The following WDFY4 variants were observed in gnomAD, a reference collection of about 807,000 sequenced individuals.
The protein encoded by WDFY4 is WD repeat- and FYVE domain-containing protein 4.
Under a neutral mutation model 351.9 loss-of-function variants are expected in WDFY4, and 169 were observed. The observed-to-expected ratio is 0.48, with a 90% CI of 0.42 to 0.55. The LOEUF is 0.55. Among genes scored for constraint, WDFY4 ranks in the 20% least tolerant of loss-of-function variants. The pLI is 0.00. For synonymous variants in WDFY4, 1,622 were observed against 1,574.6 expected (o/e 1.03, Z -0.71); for missense variants, 3,803 against 3,935.6 (o/e 0.97, Z 0.90).
intron 60 of WDFY4, chr10:48,980,132 T>C (rs566365322): frequency 2.0e-5 from 3 of 152,280 alleles, no homozygotes; most frequent in East Asian, 3.9e-4. Flanking sequence ...ACTGCCAAGA[T>C]TGTGATTACA....
Position 48,718,579 on chromosome 10 carries a change from C to G in WDFY4, c.235-1432C>G, listed in dbSNP as rs1295672223. Among the ~76,000 whole-genome samples, 3 of 152,178 alleles carry G rather than the reference C, an allele frequency of 2.0e-5. No individual in the cohort carries two copies. The East Asian group carries it at 5.8e-4, about 29-fold the overall frequency. On this transcript the variant is annotated intron_variant, in intron 2 of 61. Coordinates refer to ENST00000325239, the MANE Select transcript of WDFY4 (RefSeq NM_001394531.1). ...TGCCTTCCGTGGAGGCCACGGATGC[C>G]CGGAATGTGCACAGCAGCTGACCTT... is the stretch of plus-strand genomic sequence containing the variant.
At chr10:48,953,715 T>A (rs1188695854) in intron 51 of WDFY4, among the ~76,000 whole-genome samples, 2 of 152,220 alleles carry the variant, frequency 1.3e-5, no homozygotes, top group African/African-American at 4.8e-5. Flanking sequence ...TTTGGATCAG[T>A]GTTATCAGGA....
At chr10:48,920,267 CA>C (rs1838939678) in intron 47 of WDFY4, among the ~76,000 whole-genome samples, 1 of 141,010 alleles carries the variant, frequency 7.1e-6, no homozygotes, top group African/African-American at 2.7e-5. Context: ...CTAGAGCGGA[CA>C]AAAAACCAAA....
intron 3 of WDFY4, 56 bp downstream of exon 3, chr10:48,720,181 G>C: frequency 6.7e-7 from 1 of 1,500,716 alleles, no homozygotes. Context: ...AGCCCTGCAT[G>C]CCCTCCCAGG....
At chr10:48,784,399 T>C (rs931180578) in intron 19 of WDFY4, among the ~76,000 whole-genome samples, 4 of 152,176 alleles carry the variant, frequency 2.6e-5, no homozygotes, top group African/African-American at 9.7e-5. Flanking sequence ...TCTCACTGTG[T>C]TTTTAATTTG....
Position 48,890,655 on chromosome 10 carries a change from A to G in WDFY4, c.7244A>G (p.His2415Arg). 3.2e-6 allele frequency: 5 copies of G among 1,551,624 alleles called. No individual in the cohort carries two copies. The highest frequency in any genetic ancestry group is 1.4e-5 in the African/African-American group (1 of 73,128). The change falls in exon 44 of 62, where the codon CAC becomes CGC. Residue 2415 changes from histidine to arginine, a missense_variant. Coordinates refer to ENST00000325239, the MANE Select transcript of WDFY4 (RefSeq NM_001394531.1). ...SEGVLLFGHQ[H>R]FYICENFTLS... ...GGGGTCCTGCTTTTTGGCCACCAAC[A>G]CTTCTACATCTGCGAGAACTTCACA...
intron 9 of WDFY4, among the ~76,000 whole-genome samples, chr10:48,733,174 C>A (rs1254758528): frequency 6.6e-6 from 1 of 152,180 alleles, no homozygotes. Context: ...AGACCCATGA[C>A]CACTCCTAGG....
Position 48,976,922 on chromosome 10 carries a change from C to A in WDFY4, c.9234C>A (p.Gly3078=). 1 of 1,534,028 alleles carries A rather than the reference C, an allele frequency of 6.5e-7. No homozygotes were observed. Among genetic ancestry groups the A allele is most frequent in the Non-Finnish European group, 8.8e-7 (1 of 1,137,110 alleles). The change falls in exon 59 of 62, where the codon GGC becomes GGA. Residue 3078 remains glycine (G), a synonymous_variant. Coordinates refer to ENST00000325239, the MANE Select transcript of WDFY4 (RefSeq NM_001394531.1). The stretch of plus-strand genomic sequence containing the variant: ...TAACCTGCTGCTGCCTGATGGAGGG[C>A]CCAGCATGGGACACAAGCCAGATCA... ...GAITCCCLME[G]PAWDTSQIII... is the part of the protein sequence containing the mutation.
At chr10:48,689,051 G>A (rs754973078) in intron 1 of WDFY4, among the ~76,000 whole-genome samples, 1 of 151,996 alleles carries the variant, frequency 6.6e-6, no homozygotes, top group Non-Finnish European at 1.5e-5. Flanking sequence ...CCACCCCAGT[G>A]AACTTCATGG....
At chr10:48,749,265 T>C (rs950032689) in intron 12 of WDFY4, among the ~76,000 whole-genome samples, 1 of 152,084 alleles carries the variant, frequency 6.6e-6, no homozygotes, top group Non-Finnish European at 1.5e-5. Context: ...TATATCTCTA[T>C]GAAACATGCA....
chr10:48,817,138 G>C, intron 31 of WDFY4, 107 bp from the exon 32 acceptor site: 1 of 1,301,298 alleles, frequency 7.7e-7, no homozygotes, highest in Non-Finnish European at 1.0e-6. Flanking sequence ...AATGTATCTT[G>C]TTGAAAGTCT....
At chr10:48,912,057 GA>G (rs749252401) in intron 47 of WDFY4, among the ~76,000 whole-genome samples, 1 of 152,156 alleles carries the variant, frequency 6.6e-6, no homozygotes, top group Non-Finnish European at 1.5e-5. Context: ...AGTCCTGGGG[GA>G]AAAAAGCCTC....
At position 48,978,371 on chromosome 10, in the gene WDFY4, G is replaced by A. The variant is rs369886794; in HGVS notation, c.9354G>A (p.Pro3118=). Reference sequence around the variant, plus strand: ...GACGGCCAGCAGGAGAGGAGCCCCCGGCTCAGCCTCCAAGCCCAAGAGGTA... The same window carrying A: ...GACGGCCAGCAGGAGAGGAGCCCCCAGCTCAGCCTCCAAGCCCAAGAGGTA... The part of the protein sequence containing the change: ...VPGRPAGEEP[P]AQPPSPRGHK... The change falls in exon 60 of 62, where the codon CCG becomes CCA. Residue 3118 remains proline (P), a synonymous_variant. Coordinates refer to ENST00000325239, the MANE Select transcript of WDFY4 (RefSeq NM_001394531.1). 690 of 1,551,198 alleles carry A rather than the reference G, an allele frequency of 4.4e-4. 6 individuals are homozygous for A. The Middle Eastern group carries it at 9.8e-3, about 22-fold the overall frequency.
chr10:48,806,031 C>G lies in WDFY4; in HGVS notation c.4674C>G (p.Leu1558=). Residue 1558 remains leucine, a synonymous_variant, in exon 27 of 62, where the codon CTC becomes CTG. Transcript: ENST00000325239. The part of the protein sequence containing the change: ...LRIGLFVVYT[L]KPSSVNERQI... ...TTGGGCTGTTTGTTGTGTACACCCT[C>G]AAGCCTTCGTCGGTGAATGAGAGGC... is the stretch of plus-strand genomic sequence containing the variant. 1.3e-6 allele frequency: 2 copies of G among 1,551,726 alleles called. No individual in the cohort carries two copies. The highest frequency in any genetic ancestry group is 1.7e-6 in the Non-Finnish European group (2 of 1,147,008).
At chr10:48,786,455 C>T (rs2066407607) in intron 19 of WDFY4, among the ~76,000 whole-genome samples, 184 bp from the exon 20 acceptor site, 1 of 152,102 alleles carries the variant, frequency 6.6e-6, no homozygotes, top group Non-Finnish European at 1.5e-5. Context: ...CAGTTTTTTA[C>T]TCCACATTTA....
chr10:48,697,022 C>T (rs1453603482), intron 1 of WDFY4, among the ~76,000 whole-genome samples: 3 of 152,168 alleles, frequency 2.0e-5, no homozygotes, highest in Non-Finnish European at 4.4e-5. Flanking sequence ...GGCCTTGGAG[C>T]TCAGGAGGGG....
At chr10:48,958,415 C>G (rs1339261114) in intron 52 of WDFY4, among the ~76,000 whole-genome samples, 1 of 152,140 alleles carries the variant, frequency 6.6e-6, no homozygotes, top group Non-Finnish European at 1.5e-5. Flanking sequence ...GGCTGGCCAG[C>G]CCGGGGTTAG....
intron 1 of WDFY4, among the ~76,000 whole-genome samples, chr10:48,691,131 A>T (rs1017821941): frequency 6.6e-6 from 1 of 152,122 alleles, no homozygotes; most frequent in Admixed American, 6.5e-5. Flanking sequence ...CCAGGCCAGA[A>T]TTTGGGACAG....
intron 51 of WDFY4, among the ~76,000 whole-genome samples, chr10:48,956,618 C>G (rs1345563358): frequency 1.3e-5 from 2 of 152,172 alleles, no homozygotes; most frequent in African/African-American, 4.8e-5. Context: ...CTTCCAGACT[C>G]ACTTCCGGGG....
Sources: gnomAD v4.1 joint callset for allele counts (sites outside exome capture counted in the v4.1 genomes callset) on GRCh38, gnomAD v4.1.1 for gene constraint, MANE v1.5 for transcripts, NCBI Gene and HGNC (gene_info 2026-07-23, HGNC 2026-07-21) for gene names.